The following OSBPL2 variants were observed in gnomAD, a reference collection of about 807,000 sequenced individuals.
OSBPL2 encodes oxysterol binding protein like 2.
OSBPL2 carries 18 observed loss-of-function variants against 58.4 expected under a neutral mutation model. The observed-to-expected ratio is 0.31, with a 90% CI of 0.21 to 0.46. OSBPL2 has a LOEUF of 0.46. OSBPL2 is among the 20% of genes least tolerant of loss of function. The probability of loss-of-function intolerance (pLI) is 1.00; values close to 1 mark genes in which losing one functional copy is unlikely to be tolerated. For synonymous variants in OSBPL2, 221 were observed against 234.1 expected (o/e 0.94, Z 0.51); for missense variants, 461 against 616.5 (o/e 0.75, Z 2.67).
At chr20:62,241,697 A>G (rs1361937557) in intron 1 of OSBPL2, among the ~76,000 whole-genome samples, 1 of 152,190 alleles carries the variant, frequency 6.6e-6, no homozygotes, top group Non-Finnish European at 1.5e-5. Context: ...ACGGATTACT[A>G]TGTGGAATCT....
chr20:62,292,004 G>T (rs796493366), intron 13 of OSBPL2, among the ~76,000 whole-genome samples: 25 of 152,258 alleles, frequency 1.6e-4, no homozygotes, highest in African/African-American at 5.8e-4. Context: ...ACCAGTGGCT[G>T]CCCCTGACCC....
chr20:62,267,511 G>T (rs1469657631), intron 4 of OSBPL2, among the ~76,000 whole-genome samples: 1 of 152,170 alleles, frequency 6.6e-6, no homozygotes. Flanking sequence ...GAGAGAAGGA[G>T]AATTCAGGAC....
chr20:62,272,581 G>A (rs1014532416), intron 5 of OSBPL2, among the ~76,000 whole-genome samples: 21 of 152,180 alleles, frequency 1.4e-4, no homozygotes, highest in African/African-American at 4.3e-4. Flanking sequence ...TTGCACCACC[G>A]CACCCCATGT....
rs753374650 is a variant in OSBPL2 at position 62,281,809 on chromosome 20, C to T, written c.802C>T (p.Leu268Phe). The change falls in exon 9 of 14, where the codon CTT becomes TTT. Residue 268 changes from leucine to phenylalanine, a missense_variant. Around this residue, in one of 5 missense-constraint regions of OSBPL2, gnomAD observed 319 missense variants for 419.2 expected, o/e 0.76. Coordinates refer to ENST00000313733, the MANE Select transcript of OSBPL2 (RefSeq NM_144498.4). ...TCACAGAACTGGACATAAGTGTGTGCTTCACTTTAAACCGTGTGGATTATT... is the reference window on the plus strand; with the variant it reads ...TCACAGAACTGGACATAAGTGTGTGTTTCACTTTAAACCGTGTGGATTATT... The part of the protein sequence containing the change: ...LNHRTGHKCV[L>F]HFKPCGLFGK... The T allele has an allele frequency of 1.9e-6, 3 of 1,610,864 alleles. No individual in the cohort carries two copies. Among genetic ancestry groups the T allele is most frequent in the South Asian group, 2.2e-5 (2 of 91,018 alleles).
chr20:62,290,887 G>A (rs1983466454), intron 12 of OSBPL2, among the ~76,000 whole-genome samples: 3 of 151,148 alleles, frequency 2.0e-5, no homozygotes, highest in South Asian at 2.1e-4. Flanking sequence ...ACAGGTGCCC[G>A]CCACCACACC....
intron 6 of OSBPL2, among the ~76,000 whole-genome samples, chr20:62,276,158 C>T (rs1447604882): frequency 6.6e-6 from 1 of 152,244 alleles, no homozygotes; most frequent in Non-Finnish European, 1.5e-5. Context: ...CTCAGGTGAT[C>T]TGCCCACCTT....
intron 6 of OSBPL2, 138 bp downstream of exon 6, chr20:62,273,544 G>A: frequency 1.4e-6 from 1 of 711,914 alleles, no homozygotes; most frequent in Non-Finnish European, 2.3e-6. Flanking sequence ...GAAAGCGTTT[G>A]GATGCTGTAG....
chr20:62,292,725 A>G (rs4925371), intron 13 of OSBPL2, among the ~76,000 whole-genome samples: 58,106 of 151,986 alleles, frequency 0.38, 12,418 homozygotes, highest in East Asian at 0.53. Context: ...CCCAACAACA[A>G]TGATACCCGG....
At chr20:62,267,970 C>T (rs1407888983) in intron 4 of OSBPL2, among the ~76,000 whole-genome samples, 2 of 152,068 alleles carry the variant, frequency 1.3e-5, no homozygotes, top group African/African-American at 4.8e-5. Context: ...GCAACCTCTG[C>T]CTCCTGGGTT....
intron 6 of OSBPL2, among the ~76,000 whole-genome samples, chr20:62,277,704 A>G (rs1982474920): frequency 2.0e-5 from 3 of 152,216 alleles, no homozygotes; most frequent in South Asian, 4.1e-4. Flanking sequence ...TAATTTTTCA[A>G]CTTTCTTTCT....
intron 2 of OSBPL2, 39 bp downstream of exon 2, chr20:62,256,260 G>A: frequency 6.3e-7 from 1 of 1,575,944 alleles, no homozygotes; most frequent in Non-Finnish European, 8.7e-7. Flanking sequence ...GTACTGGAAG[G>A]GTGAACGTCC....
In OSBPL2 at chr20:62,280,283, A is replaced by G. The variant is rs974379464; in HGVS notation, c.675-775A>G. 1.4e-5 allele frequency: 6 copies of G among 417,494 alleles called. No homozygotes were observed. In the East Asian group the frequency reaches 3.6e-4, roughly 25 times the overall value. The allele number at this position is 417,494 out of a possible 1,614,324, so 25.9% of individuals were successfully genotyped here. ...CTGGATGGTGGCTAGAAGGTTCCACAAGGACCTGGAGAAGCCCCTGAGAGT... is the reference window on the plus strand; with the variant it reads ...CTGGATGGTGGCTAGAAGGTTCCACGAGGACCTGGAGAAGCCCCTGAGAGT... On this transcript the variant is annotated intron_variant, in intron 7 of 13. Transcript: ENST00000313733.
At chr20:62,273,781 C>T (rs1402151229) in intron 6 of OSBPL2, among the ~76,000 whole-genome samples, 3 of 152,200 alleles carry the variant, frequency 2.0e-5, no homozygotes, top group East Asian at 1.9e-4. Context: ...GGCTGTTTCA[C>T]TAAAGCATTT....
chr20:62,291,555 T>G, intron 12 of OSBPL2, 148 bp from the exon 13 acceptor site: 2 of 735,540 alleles, frequency 2.7e-6, no homozygotes, highest in East Asian at 2.7e-5. Context: ...GCAACTGTGA[T>G]TGTGTTTGGT....
chr20:62,248,641 C>T (rs1215903027), intron 1 of OSBPL2, among the ~76,000 whole-genome samples: 2 of 152,066 alleles, frequency 1.3e-5, no homozygotes, highest in African/African-American at 2.4e-5. Context: ...TCCCCAGTCT[C>T]GTTCACCAAC....
At position 62,288,378 on chromosome 20, in the gene OSBPL2, CGGAGGCTGTGGGTGCAGAGGCTG is replaced by C. The variant is rs71195436; in HGVS notation, c.1126-798_1126-776del. ...CCAGGGCCCTGAGGGCTGCAGAGGC[CGGAGGCTGTGGGTGCAGAGGCTG>C]GGAGGCTGTGGGTGCAGAGGCTGGG... On this transcript the variant is annotated intron_variant, in intron 11 of 13. Coordinates refer to ENST00000313733, the MANE Select transcript of OSBPL2 (RefSeq NM_144498.4). This position sits in a 1 kb window ranked among gnomAD's most constrained non-coding sequence, Gnocchi z 4.8. Among the ~76,000 whole-genome samples the C allele has an allele frequency of 0.022, 3,342 of 150,790 alleles. 41 individuals carry two copies. The highest frequency in any genetic ancestry group is 0.03 in the Non-Finnish European group (2,055 of 67,570).
At chr20:62,265,281 A>G (rs1981591401) in intron 4 of OSBPL2, among the ~76,000 whole-genome samples, 1 of 152,144 alleles carries the variant, frequency 6.6e-6, no homozygotes, top group Non-Finnish European at 1.5e-5. Context: ...ATGAGCATGT[A>G]TTTTATTCTG....
At chr20:62,262,258 C>T (rs1159557721) in intron 3 of OSBPL2, among the ~76,000 whole-genome samples, 2 of 152,200 alleles carry the variant, frequency 1.3e-5, no homozygotes, top group Admixed American at 6.5e-5. Flanking sequence ...AAGCCAGCAC[C>T]CTCACCTGTG....
At chr20:62,285,007 C>T (rs1471875781) in intron 10 of OSBPL2, 2 of 152,190 alleles carry the variant, frequency 1.3e-5, no homozygotes, top group East Asian at 3.8e-4. Flanking sequence ...TATCTTAAGA[C>T]TAGTTGTTCT....
Sources: allele counts gnomAD v4.1 joint callset (sites outside exome capture counted in the v4.1 genomes callset), GRCh38; gene constraint gnomAD v4.1.1; regional missense constraint gnomAD v4.1.1; non-coding constraint Gnocchi (gnomAD v3.1); transcripts MANE v1.5; gene names NCBI Gene and HGNC (gene_info 2026-07-23, HGNC 2026-07-21).